Variants in C10orf88 observed in about 807,000 individuals in gnomAD.
The protein encoded by C10orf88 is chromosome 10 open reading frame 88.
Under a neutral mutation model 34.2 loss-of-function variants are expected in C10orf88, and 29 were observed. The observed-to-expected ratio is 0.85, with a 90% CI of 0.63 to 1.16. C10orf88 has a LOEUF of 1.16. Among genes scored for constraint, C10orf88 ranks in the 50% most tolerant of loss-of-function variants. The pLI is 0.00. For missense variants in C10orf88, 507 were observed against 533.2 expected, an observed-to-expected ratio of 0.95 and a Z score of 0.48; for synonymous variants, 194 against 197.4, an observed-to-expected ratio of 0.98 and a Z score of 0.15.
Position 122,948,595 on chromosome 10 carries a change from G to A in C10orf88, c.648+54C>T. On this transcript the variant is annotated intron_variant, in intron 4 of 5. Coordinates refer to ENST00000481909, the MANE Select transcript of C10orf88 (RefSeq NM_024942.4). ...AAGTCACTACATTTCTTTACTAAAA[G>A]CAATGGTTTTGAAATCATTAATGTT... The A allele has an allele frequency of 1.3e-5, 20 of 1,521,918 alleles. No homozygotes were observed. The South Asian group carries it at 2.3e-4, about 18-fold the overall frequency. The allele number at this position is 1,521,918 out of a possible 1,614,324, so 94.3% of individuals were successfully genotyped here.
At position 122,932,592 on chromosome 10, in the gene C10orf88, C is replaced by G; in HGVS notation, c.1173G>C (p.Lys391Asn). The G allele has an allele frequency of 1.9e-6, 3 of 1,613,840 alleles. No individual in the cohort carries two copies. The highest frequency in any genetic ancestry group is 2.5e-6 in the Non-Finnish European group (3 of 1,179,926). ...GCTGATCAATGTAATCCATAAGTTT[C>G]TTTTCCATCAGTTCCATATTTTTAG... ...ILSKNMELME[K>N]KLMDYIDQRI... Residue 391 changes from lysine to asparagine, a missense_variant, in exon 6 of 6, where the codon AAG becomes AAC. Lys to Asn is a moderately conservative substitution (Grantham distance 94). Transcript: ENST00000481909.
At chr10:122,949,506 G>A (rs2133336237) in intron 3 of C10orf88, among the ~76,000 whole-genome samples, 1 of 152,288 alleles carries the variant, frequency 6.6e-6, no homozygotes, top group South Asian at 2.1e-4. Context: ...CTAGTAAGTG[G>A]CTAATGGGCA....
At position 122,938,089 on chromosome 10, in the gene C10orf88, A is replaced by G. The variant is rs774542782; in HGVS notation, c.719T>C (p.Leu240Pro). ...GGTTCCTAAGGTAGATGAGGATTGT[A>G]GTCCAATCATATGCTTGTATCCAGA... ...GNSGYKHMIG[L>P]QSSSTLGTLN... The change falls in exon 5 of 6, where the codon CTA (leucine) becomes CCA (proline). Residue 240 changes from leucine to proline, a missense_variant. Coordinates refer to ENST00000481909, the MANE Select transcript of C10orf88 (RefSeq NM_024942.4). 1.2e-6 allele frequency: 2 copies of G among 1,613,082 alleles called. No individual in the cohort carries two copies. Among genetic ancestry groups the G allele is most frequent in the African/African-American group, 1.3e-5 (1 of 75,012 alleles).
chr10:122,943,296 G>C (rs1848604207), intron 4 of C10orf88, among the ~76,000 whole-genome samples: 5 of 145,622 alleles, frequency 3.4e-5, no homozygotes, highest in African/African-American at 1.3e-4. Context: ...TTTAATAAAT[G>C]GTGCTGGGAA....
In C10orf88 at chr10:122,932,581, T is replaced by C. The variant is rs1240090998; in HGVS notation, c.1184A>G (p.Asp395Gly). 6.2e-7 allele frequency: 1 copy of C among 1,613,926 alleles called. No homozygotes were observed. The highest frequency in any genetic ancestry group is 1.7e-5 in the Admixed American group (1 of 59,998). ...NMELMEKKLMDYIDQRIHELQ... is the reference protein window; with the variant it reads ...NMELMEKKLMGYIDQRIHELQ... ...TTCATGTATTCGCTGATCAATGTAA[T>C]CCATAAGTTTCTTTTCCATCAGTTC... The change falls in exon 6 of 6, where the codon GAT (aspartate) becomes GGT (glycine). Residue 395 changes from aspartate to glycine, a missense_variant. By Grantham distance (94) the Asp-to-Gly change is moderately conservative. Transcript: ENST00000481909.
chr10:122,938,183 G>GTTA, intron 4 of C10orf88, 24 bp from the exon 5 acceptor site: 1 of 1,534,850 alleles, frequency 6.5e-7, no homozygotes, highest in Non-Finnish European at 8.8e-7. Context: ...ACAAGTAAAT[G>GTTA]TTAATATTAA....
chr10:122,935,554 G>T (rs1848527292), intron 5 of C10orf88, among the ~76,000 whole-genome samples: 1 of 151,752 alleles, frequency 6.6e-6, no homozygotes, highest in African/African-American at 2.4e-5. Flanking sequence ...ATCAAGTAGT[G>T]ATTTCTCTTA....
chr10:122,949,960 ATTAGT>A (rs576849352), intron 3 of C10orf88, among the ~76,000 whole-genome samples: 127 of 152,378 alleles, frequency 8.3e-4, no homozygotes, highest in Non-Finnish European at 1.4e-3. Context: ...AGGACACTCA[ATTAGT>A]AAAGAACCAG....
At chr10:122,943,021 T>C (rs1300697453) in intron 4 of C10orf88, among the ~76,000 whole-genome samples, 1 of 151,534 alleles carries the variant, frequency 6.6e-6, no homozygotes, top group Admixed American at 6.6e-5. Context: ...TTGGAAAAAC[T>C]ATTTTAAAGT....
chr10:122,933,573 C>T (rs112804747), intron 5 of C10orf88: 1 of 152,130 alleles, frequency 6.6e-6, no homozygotes, highest in Non-Finnish European at 1.5e-5. Context: ...AGATGTTATT[C>T]GACTTTCTCA....
intron 1 of C10orf88, among the ~76,000 whole-genome samples, chr10:122,953,790 G>T (rs1259645732): frequency 3.3e-5 from 5 of 151,962 alleles, no homozygotes; most frequent in African/African-American, 1.2e-4. Context: ...CCGAGTCCGG[G>T]TCACCTTCCC....
At chr10:122,939,195 C>T (rs1391408760) in intron 4 of C10orf88, among the ~76,000 whole-genome samples, 3 of 151,762 alleles carry the variant, frequency 2.0e-5, no homozygotes, top group Non-Finnish European at 2.9e-5. Flanking sequence ...ACTGGAAATA[C>T]AGCAGCGAAC....
intron 5 of C10orf88, among the ~76,000 whole-genome samples, chr10:122,933,023 TC>T (rs2133326625): frequency 6.6e-6 from 1 of 152,296 alleles, no homozygotes; most frequent in East Asian, 1.9e-4. Flanking sequence ...CCCAACCAAC[TC>T]TATAAAGTTT....
chr10:122,937,661 C>T (rs777560588), intron 5 of C10orf88, 44 bp downstream of exon 5: 4 of 1,462,076 alleles, frequency 2.7e-6, no homozygotes, highest in Admixed American at 4.2e-5. Flanking sequence ...TCTGATTCTT[C>T]CACCTACCAA....
intron 3 of C10orf88, among the ~76,000 whole-genome samples, chr10:122,950,271 CAGTA>C (rs912387118): frequency 3.9e-5 from 6 of 152,212 alleles, no homozygotes; most frequent in Admixed American, 1.3e-4. Context: ...CAGTAGCTAC[CAGTA>C]AGTAAGTGCT....
chr10:122,938,279 A>T lies in C10orf88; in HGVS notation c.649-120T>A. On this transcript the variant is annotated intron_variant, in intron 4 of 5. Transcript: ENST00000481909. ...TCCAATCCTCAAAACATCCTTATAA[A>T]GTAGGCCACTAATACTATCCCAATA... The T allele has an allele frequency of 7.0e-6, 6 of 854,306 alleles. No homozygotes were observed. In the South Asian group the frequency reaches 1.1e-4, roughly 16 times the overall value. The allele number at this position is 854,306 out of a possible 1,614,324, so 52.9% of individuals were successfully genotyped here. A position where few individuals can be genotyped will look rare whatever the true frequency, so the allele number is the denominator to read the frequency against.
In C10orf88 at chr10:122,948,823, G is replaced by T; in HGVS notation, c.474C>A (p.Phe158Leu). The change falls in exon 4 of 6, where the codon TTC (phenylalanine) becomes TTA (leucine). Residue 158 changes from phenylalanine to leucine, a missense_variant. Phe to Leu is a conservative substitution (Grantham distance 22). Transcript: ENST00000481909. ...TCATGTGTACCACAACTTTACTGATGAACACACACTGCCTTTCGCCAAAGG... is the reference window on the plus strand; with the variant it reads ...TCATGTGTACCACAACTTTACTGATTAACACACACTGCCTTTCGCCAAAGG... ...LLSFGERQCV[F>L]ISKVVVHMRS... 1 of 1,613,142 alleles carries T rather than the reference G, an allele frequency of 6.2e-7. No homozygotes were observed. The highest frequency in any genetic ancestry group is 1.1e-5 in the South Asian group (1 of 91,050).
At chr10:122,932,929 G>A (rs1219884301) in intron 5 of C10orf88, among the ~76,000 whole-genome samples, 1 of 151,944 alleles carries the variant, frequency 6.6e-6, no homozygotes, top group Admixed American at 6.6e-5. Context: ...CTTTAGAAAG[G>A]GTCTTTTTGA....
chr10:122,935,574 A>G (rs1221928984), intron 5 of C10orf88, among the ~76,000 whole-genome samples: 2 of 151,874 alleles, frequency 1.3e-5, no homozygotes, highest in Non-Finnish European at 2.9e-5. Flanking sequence ...ACACTTTTTC[A>G]AAATTTTTTA....
Sources: gnomAD v4.1 joint callset for allele counts (sites outside exome capture counted in the v4.1 genomes callset) on GRCh38, gnomAD v4.1.1 for gene constraint, MANE v1.5 for transcripts, NCBI Gene and HGNC (gene_info 2026-07-23, HGNC 2026-07-21) for gene names.